Variants in LEPROTL1 observed in about 807,000 individuals in gnomAD.
The protein encoded by LEPROTL1 is leptin receptor overlapping transcript like 1.
Under a neutral mutation model 15.4 loss-of-function variants are expected in LEPROTL1, and 6 were observed. The ratio of observed to expected loss-of-function variants is 0.39; its 90% CI spans 0.21 to 0.77. The LOEUF is 0.77. Among genes scored for constraint, LEPROTL1 ranks in the 30% least tolerant of loss-of-function variants. The pLI, the probability that LEPROTL1 is intolerant of heterozygous loss-of-function variation, is 0.41. For synonymous variants in LEPROTL1, 56 were observed against 52.6 expected, an observed-to-expected ratio of 1.06 and a Z score of -0.28; for missense variants, 128 against 158.1, an observed-to-expected ratio of 0.81 and a Z score of 1.02.
At chr8:30,120,267 A>G (rs1249508975) in intron 3 of LEPROTL1, among the ~76,000 whole-genome samples, 1 of 152,078 alleles carries the variant, frequency 6.6e-6, no homozygotes, top group Admixed American at 6.6e-5. Context: ...ATCTGTTAAC[A>G]GTTGCTTCCT....
Position 30,095,453 on chromosome 8 carries a change from C to G in LEPROTL1, c.-60C>G. 6.8e-7 allele frequency: 1 copy of G among 1,460,434 alleles called. No homozygotes were observed. Among genetic ancestry groups the G allele is most frequent in the Non-Finnish European group, 9.0e-7 (1 of 1,109,544 alleles). The allele number at this position is 1,460,434 out of a possible 1,614,324, so 90.5% of individuals were successfully genotyped here. ...GCCGCCGTAGCGCGTCTTGGGTCTCCCGGCTGCCGCTGCTGCCGCCGCCGC... is the reference window on the plus strand; with the variant it reads ...GCCGCCGTAGCGCGTCTTGGGTCTCGCGGCTGCCGCTGCTGCCGCCGCCGC... On this transcript the variant is annotated 5_prime_UTR_variant, in exon 1 of 4. Coordinates refer to ENST00000321250, the MANE Select transcript of LEPROTL1 (RefSeq NM_015344.3).
intron 3 of LEPROTL1, among the ~76,000 whole-genome samples, chr8:30,114,707 G>A (rs957129060): frequency 6.6e-5 from 10 of 152,290 alleles, no homozygotes; most frequent in Non-Finnish European, 1.0e-4. Context: ...AGCAGCGAAC[G>A]ACTCCCATAT....
chr8:30,114,115 A>C (rs16876494), intron 3 of LEPROTL1, among the ~76,000 whole-genome samples: 3,581 of 152,242 alleles, frequency 0.024, 139 homozygotes, highest in African/African-American at 0.082. Flanking sequence ...GATTTGATTC[A>C]AAGACACATA....
At chr8:30,137,839 G>T, downstream of LEPROTL1, 2 of 305,890 alleles carry the variant, frequency 6.5e-6, no homozygotes, top group South Asian at 3.6e-5. Context: ...TAGAAATTAT[G>T]GTTTAGGAGT....
chr8:30,106,901 A>C lies in LEPROTL1; in HGVS notation c.*1039A>C. On this transcript the variant is annotated 3_prime_UTR_variant, in exon 4 of 4. Coordinates refer to ENST00000321250, the MANE Select transcript of LEPROTL1 (RefSeq NM_015344.3). ...CAAATATAGTTTAATAACACTTAGA[A>C]GTGTTTACTTACCTGGAAAATAATT... The C allele has an allele frequency of 1.0e-6, 1 of 983,214 alleles. No homozygotes were observed. The highest frequency in any genetic ancestry group is 4.7e-5 in the South Asian group (1 of 21,226). 60.9% of individuals were successfully genotyped at this position (983,214 alleles called of 1,614,324 possible). A position where few individuals can be genotyped will look rare whatever the true frequency, so the allele number is the denominator to read the frequency against.
chr8:30,102,007 G>A (rs1487947527), intron 2 of LEPROTL1, 34 bp downstream of exon 2: 2 of 1,398,210 alleles, frequency 1.4e-6, no homozygotes, highest in East Asian at 2.3e-5. Flanking sequence ...GAATATTTAA[G>A]GGTAAAATTT....
At chr8:30,111,808 T>G (rs1269613479), downstream of LEPROTL1, among the ~76,000 whole-genome samples, 2 of 152,060 alleles carry the variant, frequency 1.3e-5, no homozygotes, top group African/African-American at 4.8e-5. Context: ...GCCAGCAGGG[T>G]CACAGGATGT....
chr8:30,096,363 C>CT, intron 1 of LEPROTL1: 1 of 985,314 alleles, frequency 1.0e-6, no homozygotes, highest in Non-Finnish European at 1.2e-6. Context: ...TACTGCTTAA[C>CT]TAATTACATT....
intron 3 of LEPROTL1, chr8:30,132,272 A>G (rs1263607440): frequency 6.4e-7 from 1 of 1,551,780 alleles, no homozygotes; most frequent in Non-Finnish European, 8.7e-7. Flanking sequence ...GTCTGCAACA[A>G]CGGCCAAGCC....
At position 30,132,036 on chromosome 8, in the gene LEPROTL1, G is replaced by T. The variant is rs894881074; in HGVS notation, c.280-339G>T. 13 of 1,551,768 alleles carry T rather than the reference G, an allele frequency of 8.4e-6. No homozygotes were observed. The Admixed American group carries it at 1.6e-4, about 19-fold the overall frequency. ...TGTTGTACGAATTACAGAGCAACCAGAGAGAGGAGAGACTCCTGACCTCCA... is the reference window on the plus strand; with the variant it reads ...TGTTGTACGAATTACAGAGCAACCATAGAGAGGAGAGACTCCTGACCTCCA... On this transcript the variant is annotated intron_variant, in intron 3 of 4. Transcript: ENST00000442880.
At chr8:30,136,673 C>G (rs1170504857) in intron 4 of LEPROTL1, among the ~76,000 whole-genome samples, 1 of 151,990 alleles carries the variant, frequency 6.6e-6, no homozygotes, top group East Asian at 1.9e-4. Context: ...GCCATCTTGC[C>G]TTTTCCTTAG....
downstream of LEPROTL1, among the ~76,000 whole-genome samples, chr8:30,112,433 G>GTTTTTTTTTTT (rs1563215899): frequency 3.5e-5 from 1 of 28,304 alleles, no homozygotes; most frequent in East Asian, 1.2e-3. Flanking sequence ...TTTTTTTTTG[G>GTTTTTTTTTTT]ATTTTTGGTA....
chr8:30,117,519 A>G, intron 3 of LEPROTL1: 1 of 1,356,234 alleles, frequency 7.4e-7, no homozygotes, highest in Non-Finnish European at 1.0e-6. Context: ...CCATTTTTCC[A>G]GATCTTTGAG....
At chr8:30,123,962 G>C (rs1353587041) in intron 3 of LEPROTL1, among the ~76,000 whole-genome samples, 1 of 151,176 alleles carries the variant, frequency 6.6e-6, no homozygotes, top group African/African-American at 2.4e-5. Context: ...AATTTCAAAG[G>C]CTCAAAGGGA....
At position 30,104,437 on chromosome 8, in the gene LEPROTL1, T is replaced by C. The variant is rs762858753; in HGVS notation, c.230T>C (p.Ile77Thr). 10 of 1,612,498 alleles carry C rather than the reference T, an allele frequency of 6.2e-6. No individual in the cohort carries two copies. In the African/African-American group the frequency reaches 9.3e-5, roughly 15 times the overall value. Residue 77 changes from isoleucine to threonine, a missense_variant, in exon 3 of 4, where the codon ATT becomes ACT. By Grantham distance (89) the Ile-to-Thr change is moderately conservative (BLOSUM62 -1). Coordinates refer to ENST00000321250, the MANE Select transcript of LEPROTL1 (RefSeq NM_015344.3). The stretch of plus-strand genomic sequence containing the variant: ...CTTGCCATCTTTCTTACAACGGGCA[T>C]TGTCGTGTCAGCTTTTGGACTCCCT... The part of the protein sequence containing the change: ...KELAIFLTTG[I>T]VVSAFGLPIV...
At chr8:30,099,258 A>T (rs960694414) in intron 1 of LEPROTL1, among the ~76,000 whole-genome samples, 1 of 152,186 alleles carries the variant, frequency 6.6e-6, no homozygotes, top group Admixed American at 6.5e-5. Context: ...GGAATGAATA[A>T]ATAAATATAA....
chr8:30,131,257 T>TAC, intron 3 of LEPROTL1, among the ~76,000 whole-genome samples: 1 of 40,538 alleles, frequency 2.5e-5, no homozygotes, highest in Middle Eastern at 0.021. Context: ...CACCCAAATA[T>TAC]ACATATATAT....
intron 1 of LEPROTL1, 69 bp downstream of exon 1, chr8:30,095,597 G>A: frequency 8.0e-7 from 1 of 1,248,304 alleles, no homozygotes; most frequent in Non-Finnish European, 1.0e-6. Context: ...GGTCCCACGC[G>A]GCCCCCGCAC....
chr8:30,117,541 A>G (rs1413607193), intron 3 of LEPROTL1: 3 of 1,310,722 alleles, frequency 2.3e-6, no homozygotes, highest in Non-Finnish European at 3.3e-6. Context: ...TGCACATCAA[A>G]TCTGGGGCTG....
Sources: gnomAD v4.1 joint callset for allele counts (sites outside exome capture counted in the v4.1 genomes callset) on GRCh38, gnomAD v4.1.1 for gene constraint, MANE v1.5 for transcripts, NCBI Gene and HGNC (gene_info 2026-07-23, HGNC 2026-07-21) for gene names.